Variants in BORCS5 observed in about 807,000 individuals in gnomAD.
BORCS5 encodes BLOC-1-related complex subunit 5.
In BORCS5, 17 loss-of-function variants were observed where a neutral mutation model predicts 22.1. The ratio of observed to expected loss-of-function variants is 0.77; its 90% CI spans 0.53 to 1.15. BORCS5 has a LOEUF of 1.15. BORCS5 is among the 50% of genes most tolerant of loss of function. BORCS5 has a pLI of 0.00. For synonymous variants in BORCS5, 117 were observed against 99.8 expected (o/e 1.17, Z -1.03); for missense variants, 247 against 253.2 (o/e 0.98, Z 0.17).
At chr12:12,423,969 C>T (rs925435580) in intron 2 of BORCS5, among the ~76,000 whole-genome samples, 1 of 152,192 alleles carries the variant, frequency 6.6e-6, no homozygotes, top group Non-Finnish European at 1.5e-5. Context: ...GGATTACAGG[C>T]GTGAGCCAGT....
chr12:12,360,599 T>C (rs1481532669), intron 1 of BORCS5, among the ~76,000 whole-genome samples: 1 of 131,612 alleles, frequency 7.6e-6, no homozygotes, highest in Non-Finnish European at 1.6e-5. Flanking sequence ...TTTTTAGAGA[T>C]AGGGTCTCAC....
At chr12:12,367,050 A>G (rs1863421168) in intron 2 of BORCS5, among the ~76,000 whole-genome samples, 1 of 152,374 alleles carries the variant, frequency 6.6e-6, no homozygotes, top group African/African-American at 2.4e-5. Flanking sequence ...ATGCATGTGA[A>G]GTAGATTTTG....
intron 2 of BORCS5, among the ~76,000 whole-genome samples, chr12:12,365,155 T>C (rs1863377580): frequency 1.3e-5 from 2 of 151,794 alleles, no homozygotes; most frequent in Non-Finnish European, 2.9e-5. Context: ...TGAGAATAGG[T>C]GAGGAAGGAG....
intron 3 of BORCS5, among the ~76,000 whole-genome samples, chr12:12,438,382 G>GAAAAACAAAAAACA (rs1942609530): frequency 9.3e-6 from 1 of 106,984 alleles, no homozygotes; most frequent in Non-Finnish European, 1.7e-5. Flanking sequence ...AAAAAAAAAC[G>GAAAAACAAAAAACA]AAAAACAACA....
intron 1 of BORCS5, among the ~76,000 whole-genome samples, chr12:12,360,514 C>T (rs2136013031): frequency 6.6e-6 from 1 of 150,952 alleles, no homozygotes; most frequent in Admixed American, 6.6e-5. Context: ...ATCTCAGCTT[C>T]CTGAGTAGCT....
chr12:12,377,447 G>T (rs1181150127), intron 2 of BORCS5, among the ~76,000 whole-genome samples: 3 of 152,102 alleles, frequency 2.0e-5, no homozygotes, highest in Admixed American at 6.6e-5. Context: ...CCAAAGTCCT[G>T]AGATTACAGG....
chr12:12,394,480 G>T (rs999714641), intron 2 of BORCS5, among the ~76,000 whole-genome samples: 4 of 151,918 alleles, frequency 2.6e-5, no homozygotes, highest in African/African-American at 9.7e-5. Context: ...GCTGTTCAGG[G>T]AGTTGGAATT....
chr12:12,377,767 G>A (rs754765581), intron 2 of BORCS5, among the ~76,000 whole-genome samples: 3 of 152,132 alleles, frequency 2.0e-5, no homozygotes, highest in Non-Finnish European at 4.4e-5. Context: ...GTGATCAAAG[G>A]TGTCCTTAAG....
rs888593176 is a variant in BORCS5, at chr12:12,467,956, C to A, written c.*2180C>A. ...AACTCTGCCTTTGGCTTTTCCAGAC[C>A]CTGGGCCGGGTATGAGAACCAGCTT... On this transcript the variant is annotated 3_prime_UTR_variant, in exon 4 of 4. Transcript: ENST00000314565. The A allele has an allele frequency of 6.6e-6, 1 of 152,282 alleles. No homozygotes were observed. The highest frequency in any genetic ancestry group is 2.4e-5 in the African/African-American group (1 of 41,452). The allele number at this position is 152,282 out of a possible 1,614,324, so 9.4% of individuals were successfully genotyped here. A position where few individuals can be genotyped will look rare whatever the true frequency, so the allele number is the denominator to read the frequency against.
intron 2 of BORCS5, among the ~76,000 whole-genome samples, chr12:12,392,883 T>C (rs1344132665): frequency 6.6e-6 from 1 of 152,080 alleles, no homozygotes; most frequent in Non-Finnish European, 1.5e-5. Context: ...GGTTATATTC[T>C]GAGTCGTCTC....
intron 2 of BORCS5, among the ~76,000 whole-genome samples, chr12:12,431,174 A>G (rs1236060388): frequency 6.6e-6 from 1 of 152,190 alleles, no homozygotes; most frequent in Admixed American, 6.5e-5. Context: ...TTAACAACTT[A>G]CACACTAAGC....
At chr12:12,385,684 A>G (rs965051087) in intron 2 of BORCS5, among the ~76,000 whole-genome samples, 2 of 150,960 alleles carry the variant, frequency 1.3e-5, no homozygotes, top group African/African-American at 4.9e-5. Context: ...TAATTTTTGT[A>G]TTTTTAGTAG....
At chr12:12,457,376 A>T (rs769459822) in intron 3 of BORCS5, among the ~76,000 whole-genome samples, 3 of 152,216 alleles carry the variant, frequency 2.0e-5, no homozygotes, top group Non-Finnish European at 4.4e-5. Context: ...TAGTTAGAAA[A>T]CTGGAATGTT....
chr12:12,361,174 G>T (rs754594983), intron 1 of BORCS5, 32 bp from the exon 2 acceptor site: 12 of 1,595,168 alleles, frequency 7.5e-6, no homozygotes, highest in African/African-American at 1.3e-5. Flanking sequence ...TGCCTAATAT[G>T]CATCTCCTAA....
intron 2 of BORCS5, among the ~76,000 whole-genome samples, chr12:12,410,386 C>T (rs1941702047): frequency 6.6e-6 from 1 of 152,118 alleles, no homozygotes; most frequent in Non-Finnish European, 1.5e-5. Context: ...TTTAATCCAT[C>T]TTGAATTAGT....
chr12:12,436,775 A>G (rs189507641), intron 3 of BORCS5, among the ~76,000 whole-genome samples: 3 of 152,362 alleles, frequency 2.0e-5, no homozygotes, highest in Non-Finnish European at 4.4e-5. Flanking sequence ...AAATTTGCCA[A>G]CACCTCCAAC....
chr12:12,421,960 T>G (rs906514506), intron 2 of BORCS5, among the ~76,000 whole-genome samples: 4 of 152,218 alleles, frequency 2.6e-5, no homozygotes, highest in African/African-American at 9.6e-5. Flanking sequence ...TTGTTAGTCT[T>G]GCTAGTGGTT....
At chr12:12,401,756 T>C (rs568142060) in intron 2 of BORCS5, among the ~76,000 whole-genome samples, 1 of 152,130 alleles carries the variant, frequency 6.6e-6, no homozygotes, top group Admixed American at 6.5e-5. Flanking sequence ...TCATTGGATA[T>C]TGTTTGAAAA....
chr12:12,450,253 T>G (rs1942883398), intron 3 of BORCS5, among the ~76,000 whole-genome samples: 1 of 152,216 alleles, frequency 6.6e-6, no homozygotes, highest in African/African-American at 2.4e-5. Flanking sequence ...GGGAGCAGCC[T>G]TCATCTGTAA....
Sources: gnomAD v4.1 joint callset for allele counts (sites outside exome capture counted in the v4.1 genomes callset) on GRCh38, gnomAD v4.1.1 for gene constraint, MANE v1.5 for transcripts, NCBI Gene and HGNC (gene_info 2026-07-23, HGNC 2026-07-21) for gene names.